The following FANCB variants were observed in gnomAD, a reference collection of about 807,000 sequenced individuals.
FANCB encodes FA complementation group B.
FANCB carries 5 observed loss-of-function variants against 38.9 expected under a neutral mutation model. The observed-to-expected ratio is 0.13, with a 90% CI of 0.07 to 0.27. FANCB has a LOEUF of 0.27. Among genes scored for constraint, FANCB ranks in the 10% least tolerant of loss-of-function variants. The pLI, the probability that FANCB is intolerant of heterozygous loss-of-function variation, is 1.00. For synonymous variants in FANCB, 236 were observed against 215.4 expected (o/e 1.10, Z -0.84); for missense variants, 573 against 602.7 (o/e 0.95, Z 0.52).
intron 1 of FANCB, among the ~76,000 whole-genome samples, chrX:14,869,402 G>C (rs1217877629): frequency 1.8e-5 from 2 of 111,581 alleles, no homozygotes; most frequent in African/African-American, 6.5e-5. Flanking sequence ...TGAAAGTTAG[G>C]CTCCTTACAT....
At chrX:14,770,515 G>T in the FANCB span, among the ~76,000 whole-genome samples, 1 of 111,258 alleles carries the variant, frequency 9.0e-6, no homozygotes, top group African/African-American at 3.3e-5. Flanking sequence ...CCTTTATTTT[G>T]AGCCTATGTG....
At chrX:14,819,856 T>C in the FANCB span, among the ~76,000 whole-genome samples, 1 of 111,624 alleles carries the variant, frequency 9.0e-6, no homozygotes, top group Non-Finnish European at 1.9e-5. Flanking sequence ...ACCCGGATTG[T>C]TGCAGTAGCA....
At chrX:14,813,629 G>C in the FANCB span, among the ~76,000 whole-genome samples, 4 of 111,368 alleles carry the variant, frequency 3.6e-5, no homozygotes, top group Non-Finnish European at 7.5e-5. Flanking sequence ...GGATGGGAAG[G>C]ACCTCTTCAA....
At chrX:14,796,540 G>A in the FANCB span, among the ~76,000 whole-genome samples, 20 of 93,277 alleles carry the variant, frequency 2.1e-4, no homozygotes, top group African/African-American at 7.5e-4. Context: ...TATTATATAT[G>A]TTATATATAA....
chrX:14,853,850 T>C (rs1308045276), intron 5 of FANCB, among the ~76,000 whole-genome samples: 1 of 112,121 alleles, frequency 8.9e-6, no homozygotes, highest in African/African-American at 3.2e-5. Flanking sequence ...TCACAGAATA[T>C]AGTTTGCTAC....
chrX:14,807,797 A>C, the FANCB span, among the ~76,000 whole-genome samples: 1 of 112,086 alleles, frequency 8.9e-6, no homozygotes, highest in Non-Finnish European at 1.9e-5. Flanking sequence ...TGAAAAGTTA[A>C]ATAAAATTGA....
chrX:14,766,555 T>C, the FANCB span, among the ~76,000 whole-genome samples: 1 of 112,191 alleles, frequency 8.9e-6, no homozygotes, highest in Non-Finnish European at 1.9e-5. Context: ...GGTAACTTTC[T>C]TAAGGCAAAC....
intron 5 of FANCB, among the ~76,000 whole-genome samples, chrX:14,855,108 T>C (rs945980390): frequency 1.8e-5 from 2 of 111,713 alleles, no homozygotes; most frequent in African/African-American, 6.5e-5. Flanking sequence ...ATTTGGGTTA[T>C]GCTCAGTTGT....
the FANCB span, among the ~76,000 whole-genome samples, chrX:14,813,914 G>A: frequency 5.4e-5 from 6 of 111,534 alleles, no homozygotes; most frequent in African/African-American, 2.0e-4. Context: ...CATGCTACCT[G>A]ACTTCAAACT....
chrX:14,713,429 G>A, the FANCB span, among the ~76,000 whole-genome samples: 1 of 111,889 alleles, frequency 8.9e-6, no homozygotes, highest in Non-Finnish European at 1.9e-5. Flanking sequence ...CATATGCAAG[G>A]CATTGCTTCT....
In FANCB at chrX:14,865,262, T is replaced by C; in HGVS notation, c.249A>G (p.Ser83=). ...GGAGGTTAATTCCAGTTCTGAAATC[T>C]GACACACAGTTGCAACACATGATTT... The part of the protein sequence containing the change: ...HLKIMCCNCV[S]DFRTGINLPY... The change falls in exon 3 of 10, where the codon TCA becomes TCG. Residue 83 remains serine, a synonymous_variant. Coordinates refer to ENST00000650831, the MANE Select transcript of FANCB (RefSeq NM_001018113.3). 1 of 1,148,278 alleles carries C rather than the reference T, an allele frequency of 8.7e-7. No individual in the cohort carries two copies. Among genetic ancestry groups the C allele is most frequent in the Non-Finnish European group, 1.2e-6 (1 of 862,950 alleles). 94.6% of individuals were successfully genotyped at this position (1,148,278 alleles called of 1,213,427 possible). A position where few individuals can be genotyped will look rare whatever the true frequency, so the allele number is the denominator to read the frequency against.
the FANCB span, among the ~76,000 whole-genome samples, chrX:14,780,776 A>C: frequency 9.1e-6 from 1 of 109,843 alleles, no homozygotes; most frequent in Admixed American, 9.6e-5. Flanking sequence ...ATTTTCATAT[A>C]ATTCTCATGT....
the FANCB span, among the ~76,000 whole-genome samples, chrX:14,728,565 C>T: frequency 8.9e-6 from 1 of 111,912 alleles, no homozygotes; most frequent in African/African-American, 3.3e-5. Flanking sequence ...CAATTATTCA[C>T]ACTTGCTATC....
rs373738816 is a variant in FANCB, at chrX:14,865,007, G to C, written c.504C>G (p.Ser168=). The part of the protein sequence containing the change: ...GKVVSVSGNF[S]SIQWAGEIEN... ...CAATCTCCCCTGCCCACTGAATAGAGGAAAAGTTACCTGACACACTAACAA... is the reference window on the plus strand; with the variant it reads ...CAATCTCCCCTGCCCACTGAATAGACGAAAAGTTACCTGACACACTAACAA... Residue 168 remains serine, a synonymous_variant, in exon 3 of 10, where the codon TCC becomes TCG. Transcript: ENST00000650831. The C allele has an allele frequency of 1.7e-5, 20 of 1,208,925 alleles. No homozygotes were observed. In the African/African-American group the frequency reaches 3.2e-4, roughly 19 times the overall value.
At chrX:14,724,300 C>T in the FANCB span, among the ~76,000 whole-genome samples, 4 of 110,968 alleles carry the variant, frequency 3.6e-5, no homozygotes, top group African/African-American at 1.3e-4. Context: ...GTACCTGGCA[C>T]ATAATAGGTA....
the FANCB span, among the ~76,000 whole-genome samples, chrX:14,759,246 A>G: frequency 8.9e-6 from 1 of 111,886 alleles, no homozygotes; most frequent in South Asian, 3.7e-4. Context: ...ACCTAAGAAT[A>G]ATTGGAGTTC....
the FANCB span, among the ~76,000 whole-genome samples, chrX:14,709,155 G>T: frequency 9.0e-6 from 1 of 111,066 alleles, no homozygotes; most frequent in Admixed American, 9.6e-5. Context: ...GGATCACGTA[G>T]GCCAGCAGTT....
At chrX:14,697,948 A>C in the FANCB span, among the ~76,000 whole-genome samples, 2 of 111,887 alleles carry the variant, frequency 1.8e-5, no homozygotes, top group Admixed American at 9.4e-5. Context: ...TAGAGTTGTA[A>C]TGTCTGTCAG....
the FANCB span, among the ~76,000 whole-genome samples, chrX:14,708,137 G>A: frequency 1.8e-5 from 2 of 111,403 alleles, no homozygotes; most frequent in African/African-American, 3.3e-5. Flanking sequence ...TCACAGAACT[G>A]AAACTTTGTA....
Sources: allele counts gnomAD v4.1 joint callset (sites outside exome capture counted in the v4.1 genomes callset), GRCh38; gene constraint gnomAD v4.1.1; transcripts MANE v1.5; gene names NCBI Gene and HGNC (gene_info 2026-07-23, HGNC 2026-07-21).